The following CDKN2B-AS1 variants were observed in gnomAD, a reference collection of about 807,000 sequenced individuals.
CDKN2B-AS1 encodes the protein CDKN2B antisense RNA 1 (non-protein coding).
intron 4 of CDKN2B-AS1, among the ~76,000 whole-genome samples, chr9:22,117,262 T>C (rs1264082881): frequency 6.6e-6 from 1 of 152,206 alleles, no homozygotes; most frequent in Non-Finnish European, 1.5e-5. Context: ...TTTAACCTAC[T>C]TGTGTGCAAA....
intron 3 of CDKN2B-AS1, chr9:22,056,234 A>ATATATTT (rs777560826): frequency 4.1e-5 from 4 of 98,272 alleles, no homozygotes; most frequent in Non-Finnish European, 5.9e-5. Context: ...ATATATATAT[A>ATATATTT]TTTTTTTTTT....
chr9:22,069,871 T>C (rs1289772050), intron 4 of CDKN2B-AS1, among the ~76,000 whole-genome samples: 1 of 152,180 alleles, frequency 6.6e-6, no homozygotes, highest in African/African-American at 2.4e-5. Flanking sequence ...ATTCCTTTTT[T>C]TGTTTTTTCT....
intron 4 of CDKN2B-AS1, among the ~76,000 whole-genome samples, chr9:22,076,725 C>A (rs1333956501): frequency 6.6e-6 from 1 of 152,108 alleles, no homozygotes; most frequent in African/African-American, 2.4e-5. Flanking sequence ...CAAGGTCTCA[C>A]TCTGTCACCC....
rs1178231924 is a variant in CDKN2B-AS1 at position 21,997,276 on chromosome 9, G to GCT, written n.29+2116_29+2117dup. On this transcript the variant is annotated intron_variant and non_coding_transcript_variant, in intron 1 of 4. Coordinates refer to ENST00000650946, the Ensembl canonical transcript of CDKN2B-AS1. This position sits in a 1 kb window ranked among gnomAD's most constrained non-coding sequence, Gnocchi z 4.8. Reference sequence around the variant, plus strand: ...AAACATAGAAAAGGTAGTATGTTGTGCTACAACTTTAGGACAGCTATGACA... The same window carrying GCT: ...AAACATAGAAAAGGTAGTATGTTGTGCTCTACAACTTTAGGACAGCTATGACA... Among the ~76,000 whole-genome samples, 3 of 152,166 alleles carry GCT rather than the reference G, an allele frequency of 2.0e-5. No individual in the cohort carries two copies. Among genetic ancestry groups the GCT allele is most frequent in the African/African-American group, 7.2e-5 (3 of 41,426 alleles).
chr9:22,017,435 C>G (rs1352157042), intron 1 of CDKN2B-AS1, among the ~76,000 whole-genome samples: 1 of 152,208 alleles, frequency 6.6e-6, no homozygotes, highest in African/African-American at 2.4e-5. Flanking sequence ...AATTCGGACT[C>G]TATATGTGCT....
In CDKN2B-AS1 at chr9:22,094,373, A is replaced by G. The variant is rs1276255329; in HGVS notation, n.439-32730A>G. On this transcript the variant is annotated intron_variant and non_coding_transcript_variant, in intron 4 of 4. Transcript: ENST00000650946. ...AATTTGAATGTTGGCCTGCCTTGCT[A>G]GATTGGGGAAGTTCTCCTGGATAAT... Among the ~76,000 whole-genome samples the G allele has an allele frequency of 1.4e-5, 2 of 144,182 alleles. 1 individual carries two copies. The highest frequency in any genetic ancestry group is 4.2e-4 in the South Asian group (2 of 4,748). The allele number at this position is 144,182 out of a possible 152,430, so 94.6% of individuals were successfully genotyped here.
intron 4 of CDKN2B-AS1, among the ~76,000 whole-genome samples, chr9:22,092,754 T>G (rs567208547): frequency 2.1e-4 from 32 of 152,314 alleles, no homozygotes; most frequent in Non-Finnish European, 4.7e-4. Flanking sequence ...TCAATTTTGT[T>G]GATCTTTTCA....
chr9:22,112,752 C>G (rs1267579748), intron 4 of CDKN2B-AS1, among the ~76,000 whole-genome samples: 1 of 152,008 alleles, frequency 6.6e-6, no homozygotes, highest in Non-Finnish European at 1.5e-5. Flanking sequence ...TCTTCTTGAA[C>G]TATGTATAAT....
intron 1 of CDKN2B-AS1, among the ~76,000 whole-genome samples, chr9:22,038,017 A>T (rs548032511): frequency 6.6e-6 from 1 of 152,210 alleles, no homozygotes; most frequent in South Asian, 2.1e-4. Context: ...AAGTGCTTTG[A>T]AAAGCCTCTT....
intron 1 of CDKN2B-AS1, among the ~76,000 whole-genome samples, chr9:22,017,244 G>A (rs546935327): frequency 6.6e-6 from 1 of 152,240 alleles, no homozygotes; most frequent in Non-Finnish European, 1.5e-5. Context: ...GGCCAATATG[G>A]TGAAACCCCA....
At chr9:22,026,444 C>T (rs1316656233) in intron 1 of CDKN2B-AS1, among the ~76,000 whole-genome samples, 3 of 152,120 alleles carry the variant, frequency 2.0e-5, no homozygotes, top group Non-Finnish European at 4.4e-5. Flanking sequence ...AGTTTGGACT[C>T]TCCAAAGCCC....
chr9:22,125,967 G>A (rs1167507752), intron 4 of CDKN2B-AS1, among the ~76,000 whole-genome samples: 1 of 152,152 alleles, frequency 6.6e-6, no homozygotes, highest in Non-Finnish European at 1.5e-5. Context: ...TATAGCCAAA[G>A]AAAATTCAGA....
intron 4 of CDKN2B-AS1, among the ~76,000 whole-genome samples, chr9:22,058,019 AGGC>A (rs1823645199): frequency 1.2e-5 from 1 of 85,930 alleles, no homozygotes. Context: ...GGGGAGGCTG[AGGC>A]AGGAGATTTG....
chr9:22,054,626 C>A (rs1479128600), intron 3 of CDKN2B-AS1, among the ~76,000 whole-genome samples: 2 of 151,828 alleles, frequency 1.3e-5, no homozygotes, highest in African/African-American at 4.8e-5. Flanking sequence ...GATTGAAAAT[C>A]AAATCCATAT....
In CDKN2B-AS1 at chr9:21,996,873, T is replaced by C. The variant is rs530571719; in HGVS notation, n.29+1712T>C. 4.6e-5 allele frequency among the ~76,000 whole-genome samples: 7 copies of C among 152,312 alleles called. No homozygotes were observed. The South Asian group carries it at 1.2e-3, about 27-fold the overall frequency. Reference sequence around the variant, plus strand: ...CTTGGGCCTAGACAATGTAACTAGTTGTTGCAATAAAGCATGGTGGGGAAA... The same window carrying C: ...CTTGGGCCTAGACAATGTAACTAGTCGTTGCAATAAAGCATGGTGGGGAAA... On this transcript the variant is annotated intron_variant and non_coding_transcript_variant, in intron 1 of 4. Transcript: ENST00000650946. The surrounding 1 kb of genome is among the most constrained non-coding windows in gnomAD (Gnocchi z 5.4).
intron 1 of CDKN2B-AS1, among the ~76,000 whole-genome samples, chr9:22,017,707 G>A (rs1291855386): frequency 6.6e-6 from 1 of 152,172 alleles, no homozygotes; most frequent in East Asian, 1.9e-4. Context: ...AAGTTATTAA[G>A]TTAATGAATT....
intron 1 of CDKN2B-AS1, chr9:22,003,035 A>C (rs903034121): frequency 1.6e-4 from 34 of 209,546 alleles, no homozygotes; most frequent in Admixed American, 4.7e-4. Flanking sequence ...AATTTTCTGT[A>C]TTCCACAATG....
chr9:22,120,722 T>A (rs1339247807), intron 4 of CDKN2B-AS1: 2 of 152,158 alleles, frequency 1.3e-5, no homozygotes, highest in Non-Finnish European at 2.9e-5. Flanking sequence ...TATTGGCATA[T>A]GTCTTTCTGG....
At chr9:22,085,150 G>A (rs934040939) in intron 4 of CDKN2B-AS1, among the ~76,000 whole-genome samples, 4 of 152,116 alleles carry the variant, frequency 2.6e-5, no homozygotes, top group African/African-American at 9.7e-5. Context: ...TATCTATAAA[G>A]AACTTCTTTA....
Sources: allele counts gnomAD v4.1 joint callset (sites outside exome capture counted in the v4.1 genomes callset), GRCh38; gene constraint gnomAD v4.1.1; non-coding constraint Gnocchi (gnomAD v3.1); transcripts MANE v1.5; gene names NCBI Gene and HGNC (gene_info 2026-07-23, HGNC 2026-07-21).